Variants in PRKG1 observed in about 807,000 individuals in gnomAD.
The protein encoded by PRKG1 is cGMP-dependent protein kinase 1.
A neutral mutation model predicts 88.1 loss-of-function variants in PRKG1; 35 were observed. That is an observed-to-expected ratio of 0.40 (90% CI 0.30 to 0.53). PRKG1 has a LOEUF of 0.53. Ranked by LOEUF, PRKG1 falls within the 20% of genes least tolerant of loss-of-function variation. The pLI is 0.59. For missense variants in PRKG1, 540 were observed against 839.8 expected, an observed-to-expected ratio of 0.64 and a Z score of 4.41; for synonymous variants, 303 against 292.5, an observed-to-expected ratio of 1.04 and a Z score of -0.37.
chr10:51,246,154 T>C (rs1839283826), intron 2 of PRKG1, among the ~76,000 whole-genome samples: 2 of 152,100 alleles, frequency 1.3e-5, no homozygotes, highest in South Asian at 4.1e-4. Context: ...CTCCGCAAGA[T>C]GGACTGACTT....
At chr10:52,247,016 CACA>C (rs1841042400) in intron 9 of PRKG1, among the ~76,000 whole-genome samples, 1 of 151,784 alleles carries the variant, frequency 6.6e-6, no homozygotes, top group Non-Finnish European at 1.5e-5. Flanking sequence ...GCCTTCTTCA[CACA>C]ACATACTTAT....
chr10:52,221,373 A>T (rs1195136266), intron 9 of PRKG1, among the ~76,000 whole-genome samples: 6 of 152,188 alleles, frequency 3.9e-5, no homozygotes, highest in Admixed American at 3.9e-4. Flanking sequence ...TAATGTAGAA[A>T]ATGAGCTGAA....
intron 5 of PRKG1, among the ~76,000 whole-genome samples, chr10:51,967,223 A>G (rs1233168949): frequency 6.6e-6 from 1 of 152,230 alleles, no homozygotes; most frequent in Non-Finnish European, 1.5e-5. Context: ...ATGGAATACT[A>G]TGCAGCCATA....
At position 52,115,934 on chromosome 10, in the gene PRKG1, G is replaced by A. The variant is rs1282823102; in HGVS notation, c.936-17906G>A. ...ATTTAGCAGACTTTATTTGAGCAAG[G>A]AAATGATTCATGAATCAGGCAGCGC... On this transcript the variant is annotated intron_variant, in intron 7 of 17. Transcript: ENST00000373980. 3.9e-5 allele frequency among the ~76,000 whole-genome samples: 6 copies of A among 151,958 alleles called. No individual in the cohort carries two copies. In the East Asian group the frequency reaches 9.6e-4, roughly 24 times the overall value.
chr10:51,646,119 A>C (rs1269510889), intron 3 of PRKG1, among the ~76,000 whole-genome samples: 1 of 152,132 alleles, frequency 6.6e-6, no homozygotes, highest in Non-Finnish European at 1.5e-5. Flanking sequence ...CACAGAAAAA[A>C]ATGAGGCAGA....
At chr10:51,903,897 T>C (rs1001155154) in intron 4 of PRKG1, among the ~76,000 whole-genome samples, 1 of 152,128 alleles carries the variant, frequency 6.6e-6, no homozygotes, top group African/African-American at 2.4e-5. Flanking sequence ...GTCTCAGTTG[T>C]CTTATCTATA....
intron 3 of PRKG1, among the ~76,000 whole-genome samples, chr10:51,500,298 A>G (rs1364328945): frequency 6.6e-6 from 1 of 152,186 alleles, no homozygotes; most frequent in African/African-American, 2.4e-5. Flanking sequence ...GTTTAACAAT[A>G]CTTCCAATAA....
chr10:51,953,018 G>A lies in PRKG1; in HGVS notation c.762+45448G>A, dbSNP rs1239618379. Reference sequence around the variant, plus strand: ...TTAATACTCATTGTTTCTTCTAAATGCCCTTTGCTCAAATGCATACATTTT... The same window carrying A: ...TTAATACTCATTGTTTCTTCTAAATACCCTTTGCTCAAATGCATACATTTT... On this transcript the variant is annotated intron_variant, in intron 5 of 17. Coordinates refer to ENST00000373980, the MANE Select transcript of PRKG1 (RefSeq NM_006258.4). 4.6e-5 allele frequency among the ~76,000 whole-genome samples: 7 copies of A among 152,136 alleles called. No individual in the cohort carries two copies. The East Asian group carries it at 1.3e-3, about 29-fold the overall frequency.
At chr10:51,730,506 C>A (rs748651430) in intron 3 of PRKG1, among the ~76,000 whole-genome samples, 1 of 152,078 alleles carries the variant, frequency 6.6e-6, no homozygotes, top group Non-Finnish European at 1.5e-5. Context: ...TTTCTTTTCC[C>A]CCCTGGCTTG....
At position 51,481,623 on chromosome 10, in the gene PRKG1, G is replaced by T. The variant is rs568331216; in HGVS notation, c.592+13787G>T. 4.4e-4 allele frequency among the ~76,000 whole-genome samples: 67 copies of T among 152,176 alleles called. 1 individual carries two copies. In the South Asian group the frequency reaches 0.014, roughly 31 times the overall value. On this transcript the variant is annotated intron_variant, in intron 3 of 17. Transcript: ENST00000373980. Reference sequence around the variant, plus strand: ...AAATTCATTAATTTTGGATTTATTTGAAATTTTAAATCCCAAGTAACTCAT... The same window carrying T: ...AAATTCATTAATTTTGGATTTATTTTAAATTTTAAATCCCAAGTAACTCAT...
intron 2 of PRKG1, among the ~76,000 whole-genome samples, chr10:51,247,831 A>G (rs956322433): frequency 9.9e-5 from 15 of 151,786 alleles, no homozygotes; most frequent in Non-Finnish European, 1.0e-4. Flanking sequence ...CATTCTTTTA[A>G]AAACTAAATT....
At chr10:51,179,317 G>A (rs2132022282) in intron 2 of PRKG1, among the ~76,000 whole-genome samples, 1 of 152,324 alleles carries the variant, frequency 6.6e-6, no homozygotes, top group South Asian at 2.1e-4. Context: ...TTAAAAAGAA[G>A]TTTTTAAAAT....
chr10:51,320,671 T>C (rs1485102494), intron 2 of PRKG1: 3 of 152,276 alleles, frequency 2.0e-5, no homozygotes, highest in African/African-American at 7.2e-5. Flanking sequence ...GAGGTGGGCA[T>C]TGGCTGGGCC....
chr10:52,149,916 G>A (rs978769229), intron 8 of PRKG1, among the ~76,000 whole-genome samples: 2 of 152,042 alleles, frequency 1.3e-5, no homozygotes, highest in Non-Finnish European at 2.9e-5. Context: ...GGAGGCCAAG[G>A]TGGGTGGAAT....
intron 1 of PRKG1, among the ~76,000 whole-genome samples, chr10:51,017,305 C>T (rs901577642): frequency 2.0e-5 from 3 of 151,726 alleles, no homozygotes; most frequent in African/African-American, 4.8e-5. Context: ...ACAAATTTTC[C>T]GTTTACAAGC....
chr10:51,115,386 A>ATATATATATATAT (rs1465710988), intron 1 of PRKG1, among the ~76,000 whole-genome samples: 15,762 of 70,184 alleles, frequency 0.22, 2,767 homozygotes, highest in Non-Finnish European at 0.29. Flanking sequence ...TATATATATA[A>ATATATATATATAT]AACAAATGTG....
chr10:51,122,529 A>G (rs918331284), intron 1 of PRKG1, among the ~76,000 whole-genome samples: 4 of 152,174 alleles, frequency 2.6e-5, no homozygotes, highest in African/African-American at 9.7e-5. Context: ...TTGGTCTCTG[A>G]TTACTAAGGA....
At chr10:51,762,975 C>T (rs1054847994) in intron 3 of PRKG1, among the ~76,000 whole-genome samples, 3 of 152,194 alleles carry the variant, frequency 2.0e-5, no homozygotes. Context: ...CTAGTCCCAA[C>T]TCTGTCAATG....
At chr10:51,628,012 T>TCTC (rs1564579881) in intron 3 of PRKG1, among the ~76,000 whole-genome samples, 3 of 45,760 alleles carry the variant, frequency 6.6e-5, no homozygotes, top group East Asian at 1.1e-3. Context: ...CTCTCTCTCT[T>TCTC]TCTTTCTTTC....
Sources: gnomAD v4.1 joint callset for allele counts (sites outside exome capture counted in the v4.1 genomes callset) on GRCh38, gnomAD v4.1.1 for gene constraint, MANE v1.5 for transcripts, NCBI Gene and HGNC (gene_info 2026-07-23, HGNC 2026-07-21) for gene names.